The following ETV5 variants were observed in gnomAD, a reference collection of about 807,000 sequenced individuals.
The protein encoded by ETV5 is ETS translocation variant 5.
In ETV5, 10 loss-of-function variants were observed where a neutral mutation model predicts 70.0. The observed-to-expected ratio is 0.14, with a 90% CI of 0.09 to 0.24. The LOEUF (loss-of-function observed/expected upper bound fraction) is 0.24, where lower values mean the gene tolerates loss of function less well. ETV5 is among the 10% of genes least tolerant of loss of function. The probability of loss-of-function intolerance (pLI) is 1.00; values close to 1 mark genes in which losing one functional copy is unlikely to be tolerated. For missense variants in ETV5, 453 were observed against 651.2 expected (o/e 0.70, Z 3.31); for synonymous variants, 216 against 242.2 (o/e 0.89, Z 1.01).
Position 186,048,405 on chromosome 3 carries a change from G to C in ETV5, c.*234C>G. 1 of 555,166 alleles carries C rather than the reference G, an allele frequency of 1.8e-6. No homozygotes were observed. The highest frequency in any genetic ancestry group is 2.1e-5 in the South Asian group (1 of 47,826). The allele number at this position is 555,166 out of a possible 1,614,324, so 34.4% of individuals were successfully genotyped here. A position where few individuals can be genotyped will look rare whatever the true frequency, so the allele number is the denominator to read the frequency against. On this transcript the variant is annotated 3_prime_UTR_variant, in exon 13 of 13. Coordinates refer to ENST00000306376, the MANE Select transcript of ETV5 (RefSeq NM_004454.3). The stretch of plus-strand genomic sequence containing the variant: ...TGATCTCTTCCCAGAAACCTCATCA[G>C]AATCAAGAGTTGAGGCACTGGCCTT...
At chr3:186,108,635 G>T (rs1714656514) in intron 1 of ETV5, 1 of 1,169,474 alleles carries the variant, frequency 8.6e-7, no homozygotes. Context: ...TCGCAACTCC[G>T]CGATCCCCCA....
intron 12 of ETV5, among the ~76,000 whole-genome samples, chr3:186,051,719 A>G (rs1713037170): frequency 6.6e-6 from 1 of 152,232 alleles, no homozygotes; most frequent in African/African-American, 2.4e-5. Context: ...CTTTTTGGAT[A>G]CAACAGTTGG....
At chr3:186,075,664 G>A (rs2150147870) in intron 7 of ETV5, among the ~76,000 whole-genome samples, 1 of 152,282 alleles carries the variant, frequency 6.6e-6, no homozygotes, top group South Asian at 2.1e-4. Flanking sequence ...ACACTACCCA[G>A]TTGACCTTTT....
At chr3:186,097,338 T>C (rs1482379996) in intron 5 of ETV5, among the ~76,000 whole-genome samples, 1 of 152,136 alleles carries the variant, frequency 6.6e-6, no homozygotes, top group Non-Finnish European at 1.5e-5. Context: ...TACAACTTTG[T>C]CTCCCCCTGT....
At chr3:186,065,316 G>A (rs1713414213) in intron 8 of ETV5, among the ~76,000 whole-genome samples, 1 of 152,122 alleles carries the variant, frequency 6.6e-6, no homozygotes, top group Non-Finnish European at 1.5e-5. Context: ...TGCTACTCCT[G>A]AGAAAAATAC....
chr3:186,081,019 T>C (rs924061847), intron 6 of ETV5, 27 bp downstream of exon 6: 18 of 1,587,182 alleles, frequency 1.1e-5, no homozygotes, highest in Non-Finnish European at 1.5e-5. Flanking sequence ...CTGGGCAGCC[T>C]TTCTTCGACT....
At chr3:186,064,277 A>G in intron 9 of ETV5, 140 bp downstream of exon 9, 1 of 745,364 alleles carries the variant, frequency 1.3e-6, no homozygotes, top group Non-Finnish European at 2.3e-6. Flanking sequence ...TTAGCCTGGA[A>G]ACTGAGCAAT....
intron 5 of ETV5, among the ~76,000 whole-genome samples, chr3:186,094,969 T>C (rs541466825): frequency 3.3e-5 from 5 of 152,324 alleles, no homozygotes; most frequent in Admixed American, 1.3e-4. Flanking sequence ...TGTTGGTTAC[T>C]TTCATGCTTA....
chr3:186,056,992 A>G, intron 11 of ETV5, 83 bp downstream of exon 11: 1 of 1,506,058 alleles, frequency 6.6e-7, no homozygotes, highest in Non-Finnish European at 9.0e-7. Context: ...CTTGACACAA[A>G]AAGCCTCAAT....
At chr3:186,081,196 A>T (rs757131261) in intron 5 of ETV5, 21 bp from the exon 6 acceptor site, 1 of 1,602,130 alleles carries the variant, frequency 6.2e-7, no homozygotes, top group South Asian at 1.1e-5. Context: ...AAGAGGGATG[A>T]GAGGGGAATA....
chr3:186,078,045 C>G (rs1713840279), intron 7 of ETV5: 1 of 1,056,938 alleles, frequency 9.5e-7, no homozygotes, highest in African/African-American at 1.7e-5. Context: ...GCAAATAACT[C>G]ATCAATCCCA....
chr3:186,065,370 G>C (rs965074453), intron 8 of ETV5, among the ~76,000 whole-genome samples: 1 of 152,134 alleles, frequency 6.6e-6, no homozygotes, highest in African/African-American at 2.4e-5. Flanking sequence ...GTTTACACAC[G>C]ATCACTACCT....
intron 5 of ETV5, among the ~76,000 whole-genome samples, chr3:186,103,413 T>C (rs1378961171): frequency 6.6e-6 from 1 of 152,218 alleles, no homozygotes; most frequent in Non-Finnish European, 1.5e-5. Context: ...TCAATTTGAA[T>C]GCAGCCATCT....
chr3:186,084,812 T>C (rs995672682), intron 5 of ETV5, among the ~76,000 whole-genome samples: 1 of 152,220 alleles, frequency 6.6e-6, no homozygotes, highest in African/African-American at 2.4e-5. Flanking sequence ...CTCTACTCGC[T>C]CACTTTGTAC....
intron 11 of ETV5, among the ~76,000 whole-genome samples, chr3:186,055,206 G>A (rs1472019741): frequency 2.6e-5 from 4 of 152,302 alleles, no homozygotes; most frequent in African/African-American, 9.6e-5. Context: ...GCTTAGGCCC[G>A]AGGCAGTGGC....
At chr3:186,053,442 G>T (rs1560044394) in intron 11 of ETV5, among the ~76,000 whole-genome samples, 1 of 149,824 alleles carries the variant, frequency 6.7e-6, no homozygotes, top group African/African-American at 2.5e-5. Context: ...CATGGAGTAG[G>T]AATCAGAGAG....
Position 186,065,802 on chromosome 3 carries a change from T to G in ETV5, c.910+11A>C. ...AGAATGAAGCAAAGAATAGCACAAT[T>G]TGATGCTGACCTGAATCGACGCAGT... On this transcript the variant is annotated intron_variant, in intron 8 of 12. Transcript: ENST00000306376. 3 of 1,613,836 alleles carry G rather than the reference T, an allele frequency of 1.9e-6. 1 individual carries two copies. In the South Asian group the frequency reaches 3.3e-5, roughly 18 times the overall value.
chr3:186,091,175 GA>G (rs1358616882), intron 5 of ETV5, among the ~76,000 whole-genome samples: 2 of 152,242 alleles, frequency 1.3e-5, no homozygotes, highest in Admixed American at 6.5e-5. Flanking sequence ...CCCACATGAA[GA>G]AAGTAAGGCT....
At chr3:186,081,001 G>GAGCCTTTCTGGGC in intron 6 of ETV5, 45 bp downstream of exon 6, 1 of 1,569,740 alleles carries the variant, frequency 6.4e-7, no homozygotes, top group Non-Finnish European at 8.7e-7. Flanking sequence ...GCTACTTCCA[G>GAGCCTTTCTGGGC]AGCCTTTCTG....
Sources: allele counts gnomAD v4.1 joint callset (sites outside exome capture counted in the v4.1 genomes callset), GRCh38; gene constraint gnomAD v4.1.1; transcripts MANE v1.5; gene names NCBI Gene and HGNC (gene_info 2026-07-23, HGNC 2026-07-21).